The following COL19A1 variants were observed in gnomAD, a reference collection of about 807,000 sequenced individuals.
COL19A1 encodes the protein collagen type XIX alpha 1 chain.
COL19A1 carries 159 observed loss-of-function variants against 190.2 expected under a neutral mutation model. That is an observed-to-expected ratio of 0.84 (90% CI 0.73 to 0.95). COL19A1 has a LOEUF of 0.95. Ranked by LOEUF, COL19A1 falls within the 40% of genes least tolerant of loss-of-function variation. COL19A1 has a pLI of 0.00. For missense variants in COL19A1, 1,418 were observed against 1,431.9 expected (o/e 0.99, Z 0.16); for synonymous variants, 509 against 458.9 (o/e 1.11, Z -1.39).
chr6:69,921,401 TC>T lies in COL19A1; in HGVS notation c.267-6507del, dbSNP rs1386250606. ...TCATATATATCATATATATCATATA[TC>T]ATATATATCATATATCATATATATC... On this transcript the variant is annotated intron_variant, in intron 4 of 50. Transcript: ENST00000620364. Among the ~76,000 whole-genome samples the T allele has an allele frequency of 9.7e-4, 104 of 107,390 alleles. 3 individuals carry two copies. Among genetic ancestry groups the T allele is most frequent in the African/African-American group, 3.5e-3 (71 of 20,098 alleles). The allele number at this position is 107,390 out of a possible 152,430, so 70.5% of individuals were successfully genotyped here. A position where few individuals can be genotyped will look rare whatever the true frequency, so the allele number is the denominator to read the frequency against.
At chr6:69,904,520 C>G (rs551059408) in intron 4 of COL19A1, among the ~76,000 whole-genome samples, 1 of 152,206 alleles carries the variant, frequency 6.6e-6, no homozygotes, top group Non-Finnish European at 1.5e-5. Context: ...GACACTGTTA[C>G]CTAACTCTCA....
chr6:69,918,682 G>A (rs1338820648), intron 4 of COL19A1, among the ~76,000 whole-genome samples: 1 of 152,014 alleles, frequency 6.6e-6, no homozygotes, highest in African/African-American at 2.4e-5. Flanking sequence ...CTCCTGCCTG[G>A]GTGACAGAGT....
chr6:70,151,297 A>G, intron 30 of COL19A1, 100 bp from the exon 31 acceptor site: 1 of 1,145,246 alleles, frequency 8.7e-7, no homozygotes, highest in Non-Finnish European at 1.3e-6. Flanking sequence ...CAGAAGCTTC[A>G]TGGCATTTTG....
intron 16 of COL19A1, among the ~76,000 whole-genome samples, chr6:70,112,137 T>C (rs1582939171): frequency 6.6e-6 from 1 of 152,282 alleles, no homozygotes; most frequent in East Asian, 1.9e-4. Context: ...CCATCTTTCC[T>C]CCAGATTTTG....
Position 70,209,804 on chromosome 6 carries a change from T to A in COL19A1, c.*2530T>A, listed in dbSNP as rs141077068. The A allele has an allele frequency of 6.6e-4, 100 of 152,346 alleles. 1 individual carries two copies. The highest frequency in any genetic ancestry group is 3.4e-3 in the Middle Eastern group (1 of 294). The allele number at this position is 152,346 out of a possible 1,614,324, so 9.4% of individuals were successfully genotyped here. A position where few individuals can be genotyped will look rare whatever the true frequency, so the allele number is the denominator to read the frequency against. ...CTATTATTTACCTTCAGATACTTTT[T>A]CCTGCCTCAGCTCTGTACACATGAT... On this transcript the variant is annotated 3_prime_UTR_variant, in exon 51 of 51. Transcript: ENST00000620364.
chr6:69,880,059 G>A (rs79129061), intron 2 of COL19A1, among the ~76,000 whole-genome samples: 36 of 152,190 alleles, frequency 2.4e-4, no homozygotes, highest in Non-Finnish European at 4.0e-4. Context: ...GTGAAAAATC[G>A]GATAGGAGGT....
At chr6:70,151,518 C>A in intron 31 of COL19A1, 80 bp downstream of exon 31, 1 of 1,379,820 alleles carries the variant, frequency 7.2e-7, no homozygotes, top group South Asian at 1.2e-5. Context: ...GAAATTGAGT[C>A]AATTGCTTAG....
chr6:70,171,474 T>G (rs779679939), intron 40 of COL19A1, among the ~76,000 whole-genome samples: 14 of 152,214 alleles, frequency 9.2e-5, no homozygotes. Flanking sequence ...ATAATGATCC[T>G]GGGGTCAACT....
At chr6:69,891,876 TCTG>T (rs1769374692) in intron 2 of COL19A1, among the ~76,000 whole-genome samples, 1 of 152,204 alleles carries the variant, frequency 6.6e-6, no homozygotes, top group South Asian at 2.1e-4. Flanking sequence ...TCCATTATTG[TCTG>T]CCTCTGGATC....
intron 2 of COL19A1, among the ~76,000 whole-genome samples, chr6:69,897,346 T>G (rs551120433): frequency 6.6e-6 from 1 of 152,236 alleles, no homozygotes; most frequent in South Asian, 2.1e-4. Flanking sequence ...ATAAAAAAAT[T>G]TATATCTGAT....
Position 70,207,550 on chromosome 6 carries a change from C to T in COL19A1, c.*276C>T, listed in dbSNP as rs1289343180. ...TATGAAATATGCAAGTAAATCTTAT[C>T]GTTAGTTCTTCTTCAAAAGGAAATT... On this transcript the variant is annotated 3_prime_UTR_variant, in exon 51 of 51. Coordinates refer to ENST00000620364, the MANE Select transcript of COL19A1 (RefSeq NM_001858.6). 5 of 205,270 alleles carry T rather than the reference C, an allele frequency of 2.4e-5. No individual in the cohort carries two copies. The highest frequency in any genetic ancestry group is 1.7e-4 in the Admixed American group (3 of 17,586). 12.7% of individuals were successfully genotyped at this position (205,270 alleles called of 1,614,324 possible). A position where few individuals can be genotyped will look rare whatever the true frequency, so the allele number is the denominator to read the frequency against.
intron 46 of COL19A1, among the ~76,000 whole-genome samples, chr6:70,186,488 C>T (rs1293441248): frequency 1.3e-5 from 2 of 152,122 alleles, no homozygotes; most frequent in African/African-American, 4.8e-5. Context: ...ATATCTGATT[C>T]TATGATCACA....
At chr6:70,022,158 T>C (rs1778450602) in intron 11 of COL19A1, among the ~76,000 whole-genome samples, 1 of 152,076 alleles carries the variant, frequency 6.6e-6, no homozygotes, top group Non-Finnish European at 1.5e-5. Context: ...ATAATGTTCA[T>C]TGTAGGAAAA....
chr6:69,956,099 G>A (rs1479405366), intron 9 of COL19A1, among the ~76,000 whole-genome samples: 2 of 151,876 alleles, frequency 1.3e-5, no homozygotes, highest in African/African-American at 4.8e-5. Context: ...ACATGCACCT[G>A]TATATACATA....
At chr6:70,176,677 T>A in intron 42 of COL19A1, 113 bp downstream of exon 42, 1 of 866,574 alleles carries the variant, frequency 1.2e-6, no homozygotes, top group Admixed American at 3.0e-5. Context: ...TCCCATGGCA[T>A]TAGGTTCCTG....
At chr6:69,963,483 A>C (rs1191413168) in intron 11 of COL19A1, among the ~76,000 whole-genome samples, 1 of 152,174 alleles carries the variant, frequency 6.6e-6, no homozygotes, top group African/African-American at 2.4e-5. Flanking sequence ...AAGGCTGGAG[A>C]CAGGAGCTGA....
At chr6:70,070,685 C>T (rs1398230592) in intron 15 of COL19A1, among the ~76,000 whole-genome samples, 4 of 152,112 alleles carry the variant, frequency 2.6e-5, no homozygotes, top group Admixed American at 2.6e-4. Flanking sequence ...TTAGGTCCAA[C>T]TGAGTGCCAC....
intron 44 of COL19A1, 105 bp downstream of exon 44, chr6:70,180,628 A>G: frequency 2.5e-6 from 3 of 1,187,500 alleles, no homozygotes; most frequent in South Asian, 2.6e-5. Context: ...AGCAGTTTCC[A>G]AGGAGTAAGA....
chr6:70,188,151 C>T lies in COL19A1; in HGVS notation c.2933C>T (p.Ala978Val). Residue 978 changes from alanine (A) to valine (V), a missense_variant, in exon 47 of 51, where the codon GCC becomes GTC. Coordinates refer to ENST00000620364, the MANE Select transcript of COL19A1 (RefSeq NM_001858.6). ...GKPGLTGMKG[A>V]IGPMGPPGNK... ...CCAGGCCTTACAGGCATGAAGGGGG[C>T]CATCGGTCCTATGGGTCCACCAGGA... 6.2e-7 allele frequency: 1 copy of T among 1,613,998 alleles called. No individual in the cohort carries two copies. Among genetic ancestry groups the T allele is most frequent in the South Asian group, 1.1e-5 (1 of 91,018 alleles).
Sources: gnomAD v4.1 joint callset for allele counts (sites outside exome capture counted in the v4.1 genomes callset) on GRCh38, gnomAD v4.1.1 for gene constraint, MANE v1.5 for transcripts, NCBI Gene and HGNC (gene_info 2026-07-23, HGNC 2026-07-21) for gene names.